The following SPAST variants were observed in gnomAD, a reference collection of about 807,000 sequenced individuals.
SPAST encodes spastic paraplegia 4 (autosomal dominant; spastin).
SPAST carries 30 observed loss-of-function variants against 76.6 expected under a neutral mutation model. That is an observed-to-expected ratio of 0.39 (90% CI 0.29 to 0.53). The LOEUF is 0.53. Ranked by LOEUF, SPAST falls within the 20% of genes least tolerant of loss-of-function variation. The pLI is 0.68. For missense variants in SPAST, 717 were observed against 770.5 expected (o/e 0.93, Z 0.82); for synonymous variants, 305 against 281.0 (o/e 1.09, Z -0.86).
At chr2:32,080,869 G>A (rs745443376) in intron 1 of SPAST, among the ~76,000 whole-genome samples, 11 of 127,726 alleles carry the variant, frequency 8.6e-5, no homozygotes, top group Non-Finnish European at 1.6e-4. Context: ...ATCTCAGCTC[G>A]CTGCAACCTC....
chr2:32,075,602 T>C (rs1291814276), intron 1 of SPAST, among the ~76,000 whole-genome samples: 1 of 128,182 alleles, frequency 7.8e-6, no homozygotes, highest in African/African-American at 2.9e-5. Flanking sequence ...CAGGCTGGAC[T>C]GCAGTGGTGC....
intron 2 of SPAST, among the ~76,000 whole-genome samples, chr2:32,089,048 A>G (rs914430881): frequency 5.3e-5 from 8 of 151,206 alleles, no homozygotes; most frequent in East Asian, 1.9e-4. Context: ...AACTGTAACT[A>G]TTTTTTTTTA....
At chr2:32,090,724 A>G (rs1677676059) in intron 3 of SPAST, among the ~76,000 whole-genome samples, 1 of 152,146 alleles carries the variant, frequency 6.6e-6, no homozygotes, top group Admixed American at 6.5e-5. Flanking sequence ...GGTCTTTGTC[A>G]TGTAATATTT....
intron 1 of SPAST, chr2:32,077,827 A>C (rs1573050959): frequency 1.3e-5 from 2 of 152,254 alleles, no homozygotes; most frequent in Non-Finnish European, 2.9e-5. Flanking sequence ...TTGTTTCTAC[A>C]GTAACATACT....
At position 32,077,135 on chromosome 2, in the gene SPAST, A is replaced by G. The variant is rs542743308; in HGVS notation, c.416-10357A>G. On this transcript the variant is annotated intron_variant, in intron 1 of 16. Transcript: ENST00000315285. ...ATGATCCACACACCTTGGCCTCCCAAAGTGCTGGGATTATAGGCGTGAGCC... is the reference window on the plus strand; with the variant it reads ...ATGATCCACACACCTTGGCCTCCCAGAGTGCTGGGATTATAGGCGTGAGCC... Among the ~76,000 whole-genome samples the G allele has an allele frequency of 3.9e-5, 6 of 152,136 alleles. No individual in the cohort carries two copies. The South Asian group carries it at 1.0e-3, about 26-fold the overall frequency.
At chr2:32,077,990 T>A (rs576864600) in intron 1 of SPAST, 1 of 152,136 alleles carries the variant, frequency 6.6e-6, no homozygotes, top group Middle Eastern at 3.2e-3. Flanking sequence ...TGTTTTGTTT[T>A]GTTTTGTTTT....
intron 1 of SPAST, among the ~76,000 whole-genome samples, chr2:32,069,551 C>CTTTTTTTTTTTTTTTTTTTTTT (rs36023742): frequency 7.2e-6 from 1 of 139,628 alleles, no homozygotes; most frequent in Non-Finnish European, 1.5e-5. Flanking sequence ...CATGACTTAT[C>CTTTTTTTTTTTTTTTTTTTTTT]TTTTTTTTTT....
rs556321222 is a variant in SPAST, at chr2:32,106,478, G to A, written c.682+7587G>A. Among the ~76,000 whole-genome samples the A allele has an allele frequency of 3.9e-5, 6 of 152,300 alleles. No individual in the cohort carries two copies. In the East Asian group the frequency reaches 9.6e-4, roughly 24 times the overall value. On this transcript the variant is annotated intron_variant, in intron 4 of 16. Coordinates refer to ENST00000315285, the MANE Select transcript of SPAST (RefSeq NM_014946.4). The stretch of plus-strand genomic sequence containing the variant: ...TGCACCCACTGTCTGACAATCCCCA[G>A]TGAGATGAACCCAGTTCCTCAGTTG...
intron 3 of SPAST, among the ~76,000 whole-genome samples, chr2:32,095,627 T>G (rs1050083783): frequency 2.0e-5 from 3 of 151,316 alleles, no homozygotes; most frequent in African/African-American, 7.3e-5. Flanking sequence ...CCTAGCTACT[T>G]ACTTGGGAGG....
intron 1 of SPAST, among the ~76,000 whole-genome samples, chr2:32,080,177 T>C (rs191331597): frequency 3.0e-4 from 45 of 152,366 alleles, no homozygotes; most frequent in Middle Eastern, 3.4e-3. Flanking sequence ...TAATGACTTA[T>C]GATGCTCAGC....
rs1378440488 is a variant in SPAST, at chr2:32,102,547, T to G, written c.682+3656T>G. Among the ~76,000 whole-genome samples, 3 of 152,316 alleles carry G rather than the reference T, an allele frequency of 2.0e-5. No individual in the cohort carries two copies. In the East Asian group the frequency reaches 5.8e-4, roughly 29 times the overall value. ...GAGAGAGGGCATCCCTGTCTTGTGC[T>G]AGCTTTCAAAGGGAATGCTTCCAGT... On this transcript the variant is annotated intron_variant, in intron 4 of 16. Coordinates refer to ENST00000315285, the MANE Select transcript of SPAST (RefSeq NM_014946.4).
intron 3 of SPAST, among the ~76,000 whole-genome samples, chr2:32,093,167 C>T (rs1285948382): frequency 2.0e-5 from 3 of 151,614 alleles, no homozygotes; most frequent in Non-Finnish European, 4.4e-5. Context: ...AAAAATTAGC[C>T]GGGCGTAGTG....
chr2:32,150,823 TA>T (rs1680059310), intron 16 of SPAST, among the ~76,000 whole-genome samples: 1 of 152,158 alleles, frequency 6.6e-6, no homozygotes, highest in Non-Finnish European at 1.5e-5. Flanking sequence ...ATGGTAAAAC[TA>T]AAAATTAAAG....
chr2:32,114,597 A>G (rs374954461), intron 4 of SPAST, 41 bp from the exon 5 acceptor site: 1 of 1,516,646 alleles, frequency 6.6e-7, no homozygotes, highest in African/African-American at 1.4e-5. Flanking sequence ...ATGTTCAGCT[A>G]CAATTTTCTA....
At chr2:32,072,539 T>C (rs578063161) in intron 1 of SPAST, among the ~76,000 whole-genome samples, 2 of 152,304 alleles carry the variant, frequency 1.3e-5, no homozygotes, top group African/African-American at 4.8e-5. Context: ...CATTATGGCC[T>C]GAACTAGTTT....
At chr2:32,087,694 C>CTTTTTT (rs770566493) in intron 2 of SPAST, 116 bp downstream of exon 2, 104 of 186,204 alleles carry the variant, frequency 5.6e-4, no homozygotes, top group African/African-American at 1.1e-3. Context: ...CTTTTCTTTT[C>CTTTTTT]TTTTTTTTTT....
At chr2:32,086,683 G>T (rs142054346) in intron 1 of SPAST, among the ~76,000 whole-genome samples, 1 of 151,820 alleles carries the variant, frequency 6.6e-6, no homozygotes, top group African/African-American at 2.4e-5. Context: ...GCTTGAACCC[G>T]GGAGGGGGAG....
chr2:32,089,574 G>T lies in SPAST; in HGVS notation c.555G>T (p.Leu185Phe), dbSNP rs377698691. 6.2e-7 allele frequency: 1 copy of T among 1,603,390 alleles called. No homozygotes were observed. Among genetic ancestry groups the T allele is most frequent in the Admixed American group, 1.7e-5 (1 of 59,924 alleles). ...TTCAAGCTAAAATGATGACTAATTT[G>T]GTTATGGCCAAGGACCGCTTACAAC... ...RRLQAKMMTN[L>F]VMAKDRLQLL... Residue 185 changes from leucine (L) to phenylalanine (F), a missense_variant, in exon 3 of 17, where the codon TTG becomes TTT. Transcript: ENST00000315285.
chr2:32,083,433 C>T (rs931495695), intron 1 of SPAST, among the ~76,000 whole-genome samples: 5 of 151,724 alleles, frequency 3.3e-5, no homozygotes, highest in African/African-American at 7.2e-5. Context: ...ATTTTGTTTC[C>T]TACCAGCAAA....
Sources: gnomAD v4.1 joint callset for allele counts (sites outside exome capture counted in the v4.1 genomes callset) on GRCh38, gnomAD v4.1.1 for gene constraint, MANE v1.5 for transcripts, NCBI Gene and HGNC (gene_info 2026-07-23, HGNC 2026-07-21) for gene names.